Variants in SIRT4 observed in about 807,000 individuals in gnomAD.
The protein encoded by SIRT4 is sirtuin 4.
SIRT4 carries 23 observed loss-of-function variants against 26.1 expected under a neutral mutation model. That is an observed-to-expected ratio of 0.88 (90% CI 0.63 to 1.25). SIRT4 has a LOEUF of 1.25. Among genes scored for constraint, SIRT4 ranks in the 50% most tolerant of loss-of-function variants. The probability of loss-of-function intolerance (pLI) is 0.00; values close to 1 mark genes in which losing one functional copy is unlikely to be tolerated. For missense variants in SIRT4, 361 were observed against 405.4 expected (o/e 0.89, Z 0.94); for synonymous variants, 155 against 158.4 (o/e 0.98, Z 0.16).
intron 2 of SIRT4, among the ~76,000 whole-genome samples, chr12:120,304,661 A>T (rs1019783731): frequency 2.0e-5 from 3 of 151,074 alleles, no homozygotes; most frequent in African/African-American, 7.3e-5. Context: ...GAAAAAAAAA[A>T]GTTGAGGATG....
chr12:120,298,094 G>A (rs567996701), upstream of SIRT4, among the ~76,000 whole-genome samples: 1 of 150,994 alleles, frequency 6.6e-6, no homozygotes, highest in South Asian at 2.1e-4. Flanking sequence ...TACTGGGGAG[G>A]CTGAGGCAGG....
chr12:120,293,413 A>C, the SIRT4 span, among the ~76,000 whole-genome samples: 131 of 152,290 alleles, frequency 8.6e-4, no homozygotes, highest in African/African-American at 3.1e-3. Flanking sequence ...GATTTCACTT[A>C]GCTAGGTTTT....
intron 2 of SIRT4, among the ~76,000 whole-genome samples, chr12:120,304,833 ATATTTTTTTT>A (rs1341566600): frequency 0.047 from 379 of 8,090 alleles, 1 homozygote; most frequent in African/African-American, 0.075. Context: ...ATATATATAT[ATATTTTTTTT>A]TTTTTTTTTT....
At chr12:120,309,854 T>A (rs1225536387) in intron 2 of SIRT4, among the ~76,000 whole-genome samples, 6 of 151,714 alleles carry the variant, frequency 4.0e-5, no homozygotes, top group African/African-American at 1.5e-4. Flanking sequence ...TAGCTGGAAT[T>A]ACAGGTGTGC....
intron 2 of SIRT4, among the ~76,000 whole-genome samples, chr12:120,311,302 C>G (rs1221873444): frequency 4.0e-5 from 6 of 151,082 alleles, no homozygotes; most frequent in African/African-American, 9.7e-5. Context: ...TTGCGGTGAG[C>G]CAAGATCGCG....
chr12:120,299,152 C>G (rs1264699733), upstream of SIRT4, among the ~76,000 whole-genome samples: 1 of 150,390 alleles, frequency 6.6e-6, no homozygotes, highest in African/African-American at 2.4e-5. Flanking sequence ...ACCCGGGAGG[C>G]GGAGCTTGTA....
At chr12:120,297,525 C>T (rs1592891593), upstream of SIRT4, among the ~76,000 whole-genome samples, 1 of 149,442 alleles carries the variant, frequency 6.7e-6, no homozygotes, top group South Asian at 2.1e-4. Context: ...ACAAAGCATA[C>T]AAAAATTAAA....
At chr12:120,294,006 C>CTTTTTTTTTTTTTTTTTTTTT in the SIRT4 span, among the ~76,000 whole-genome samples, 3 of 84,014 alleles carry the variant, frequency 3.6e-5, no homozygotes, top group African/African-American at 4.9e-5. Context: ...GAGATGTTAT[C>CTTTTTTTTTTTTTTTTTTTTT]TTTTTTTTTT....
chr12:120,312,561 T>A lies in SIRT4; in HGVS notation c.603T>A (p.Pro201=). Residue 201 remains proline (P), a synonymous_variant, in exon 3 of 4, where the codon CCT becomes CCA. Transcript: ENST00000202967. ...TWSAEAHGLA[P]DGDVFLSEEQ... is the part of the protein sequence containing the mutation. ...GTGCTGAGGCCCATGGCCTGGCTCC[T>A]GATGGTGACGTCTTTCTCTCAGAGG... The A allele has an allele frequency of 6.2e-7, 1 of 1,614,174 alleles. No homozygotes were observed. The highest frequency in any genetic ancestry group is 8.5e-7 in the Non-Finnish European group (1 of 1,180,036).
At chr12:120,294,288 C>T in the SIRT4 span, among the ~76,000 whole-genome samples, 5 of 150,870 alleles carry the variant, frequency 3.3e-5, no homozygotes, top group Non-Finnish European at 7.4e-5. Flanking sequence ...GCCACTTCAC[C>T]CAGCCCATTT....
the SIRT4 span, among the ~76,000 whole-genome samples, chr12:120,294,899 C>A: frequency 6.6e-6 from 1 of 151,270 alleles, no homozygotes; most frequent in Non-Finnish European, 1.5e-5. Flanking sequence ...TCAATCTCAG[C>A]CCATGCAACC....
At chr12:120,291,809 G>C in the SIRT4 span, 10 of 152,294 alleles carry the variant, frequency 6.6e-5, no homozygotes, top group East Asian at 1.9e-4. Flanking sequence ...TATATTTCAA[G>C]TCGTCATGGC....
the SIRT4 span, among the ~76,000 whole-genome samples, chr12:120,294,828 C>CTTT: frequency 3.5e-3 from 483 of 137,482 alleles, 2 homozygotes; most frequent in African/African-American, 0.012. Flanking sequence ...ACTGTTTATC[C>CTTT]TTTTTTTTTT....
chr12:120,294,376 C>T, the SIRT4 span, among the ~76,000 whole-genome samples: 3 of 151,822 alleles, frequency 2.0e-5, no homozygotes, highest in Admixed American at 2.0e-4. Context: ...AGATCAACCT[C>T]CGCCTCCCAG....
At chr12:120,302,189 C>CAGAGG (rs2136826294), upstream of SIRT4, 1 of 152,150 alleles carries the variant, frequency 6.6e-6, no homozygotes, top group African/African-American at 2.4e-5. Flanking sequence ...AACGGGGGAA[C>CAGAGG]CTCTGACCAG....
chr12:120,296,358 C>T, the SIRT4 span, among the ~76,000 whole-genome samples: 1 of 151,704 alleles, frequency 6.6e-6, no homozygotes, highest in Non-Finnish European at 1.5e-5. Flanking sequence ...GCTGGGACTA[C>T]AGGCGCCCGC....
chr12:120,291,897 C>T, the SIRT4 span: 1 of 152,104 alleles, frequency 6.6e-6, no homozygotes, highest in African/African-American at 2.4e-5. Context: ...TGCCACTGCG[C>T]AAAGCTGGAA....
At chr12:120,293,368 G>C in the SIRT4 span, 1 of 152,194 alleles carries the variant, frequency 6.6e-6, no homozygotes, top group East Asian at 1.9e-4. Context: ...AAAGATGTTT[G>C]TGACCTGCGT....
chr12:120,298,862 G>A (rs1219839946), upstream of SIRT4, among the ~76,000 whole-genome samples: 1 of 146,918 alleles, frequency 6.8e-6, no homozygotes, highest in Non-Finnish European at 1.5e-5. Flanking sequence ...ATCTGAGATC[G>A]TGCCACTGCA....
Sources: gnomAD v4.1 joint callset for allele counts (sites outside exome capture counted in the v4.1 genomes callset) on GRCh38, gnomAD v4.1.1 for gene constraint, MANE v1.5 for transcripts, NCBI Gene and HGNC (gene_info 2026-07-23, HGNC 2026-07-21) for gene names.